Variants in NIBAN1 observed in about 807,000 individuals in gnomAD.
The protein encoded by NIBAN1 is niban apoptosis regulator 1.
A neutral mutation model predicts 75.1 loss-of-function variants in NIBAN1; 81 were observed. The ratio of observed to expected loss-of-function variants is 1.08; its 90% CI spans 0.90 to 1.30. The LOEUF is 1.30. NIBAN1 is among the 50% of genes most tolerant of loss of function. The pLI is 0.00. For synonymous variants in NIBAN1, 436 were observed against 424.8 expected (o/e 1.03, Z -0.32); for missense variants, 1,133 against 1,128.1 (o/e 1.00, Z -0.06).
intron 2 of NIBAN1, among the ~76,000 whole-genome samples, chr1:184,898,525 A>G (rs1340848438): frequency 6.6e-6 from 1 of 152,192 alleles, no homozygotes; most frequent in Admixed American, 6.5e-5. Context: ...CTGAGGCAGG[A>G]GAATCACTTG....
chr1:184,820,416 A>G (rs975928700), intron 8 of NIBAN1, among the ~76,000 whole-genome samples: 3 of 152,114 alleles, frequency 2.0e-5, no homozygotes, highest in Admixed American at 6.6e-5. Context: ...CCTTTATTCA[A>G]TGTTCCTTTA....
intron 6 of NIBAN1, among the ~76,000 whole-genome samples, chr1:184,827,631 A>AT (rs1654879220): frequency 7.3e-6 from 1 of 136,346 alleles, no homozygotes; most frequent in Non-Finnish European, 1.5e-5. Flanking sequence ...GGACTTGGAG[A>AT]TTTAAAAATT....
chr1:184,884,876 G>A (rs1241751060), intron 4 of NIBAN1, 76 bp from the exon 5 acceptor site: 1 of 1,527,066 alleles, frequency 6.5e-7, no homozygotes, highest in Non-Finnish European at 8.9e-7. Context: ...CAGGTCGTGA[G>A]GGTGACTATC....
At chr1:184,812,749 A>C (rs1265205223) in intron 9 of NIBAN1, among the ~76,000 whole-genome samples, 1 of 152,200 alleles carries the variant, frequency 6.6e-6, no homozygotes, top group African/African-American at 2.4e-5. Flanking sequence ...AGGGCAGTAG[A>C]GATTGCTCCA....
chr1:184,876,847 C>G (rs1372629340), intron 5 of NIBAN1, among the ~76,000 whole-genome samples: 2 of 152,132 alleles, frequency 1.3e-5, no homozygotes, highest in African/African-American at 4.8e-5. Context: ...TTTACACAAA[C>G]TATTTCAGAT....
intron 1 of NIBAN1, among the ~76,000 whole-genome samples, chr1:184,941,925 G>A: frequency 6.6e-6 from 1 of 152,078 alleles, no homozygotes; most frequent in East Asian, 1.9e-4. Context: ...GACCATATTT[G>A]CCCTAATTTG....
chr1:184,927,260 G>T (rs1657706404), intron 1 of NIBAN1, among the ~76,000 whole-genome samples: 1 of 152,142 alleles, frequency 6.6e-6, no homozygotes, highest in African/African-American at 2.4e-5. Context: ...GGTATTTATT[G>T]TCATGTTCTC....
chr1:184,962,914 C>A (rs540408618), intron 1 of NIBAN1, among the ~76,000 whole-genome samples: 95 of 152,010 alleles, frequency 6.2e-4, no homozygotes, highest in African/African-American at 2.2e-3. Flanking sequence ...TACTAGGTAA[C>A]CAAATGATAG....
intron 2 of NIBAN1, among the ~76,000 whole-genome samples, chr1:184,896,344 C>T (rs1656801205): frequency 6.6e-6 from 1 of 152,074 alleles, no homozygotes; most frequent in Non-Finnish European, 1.5e-5. Flanking sequence ...TTGTTGTCCA[C>T]TTGTATGTCT....
intron 9 of NIBAN1, among the ~76,000 whole-genome samples, chr1:184,812,266 A>C (rs1157319659): frequency 6.6e-6 from 1 of 152,218 alleles, no homozygotes; most frequent in African/African-American, 2.4e-5. Flanking sequence ...ATCTGAGGGC[A>C]AATTTAAGCT....
intron 13 of NIBAN1, among the ~76,000 whole-genome samples, chr1:184,797,300 C>G (rs945434702): frequency 2.0e-5 from 3 of 152,076 alleles, no homozygotes; most frequent in African/African-American, 7.2e-5. Context: ...CCACCATGCC[C>G]AGCTAATTTT....
At chr1:184,907,007 A>G (rs1657123467) in intron 1 of NIBAN1, among the ~76,000 whole-genome samples, 1 of 152,230 alleles carries the variant, frequency 6.6e-6, no homozygotes, top group African/African-American at 2.4e-5. Context: ...CAACTATGAT[A>G]CATTCTATAA....
intron 1 of NIBAN1, among the ~76,000 whole-genome samples, chr1:184,909,256 A>G (rs1373699940): frequency 6.6e-6 from 1 of 152,156 alleles, no homozygotes; most frequent in Non-Finnish European, 1.5e-5. Flanking sequence ...CTTCCAACAC[A>G]TCAGGTTCTA....
intron 5 of NIBAN1, among the ~76,000 whole-genome samples, chr1:184,878,152 C>T (rs758838868): frequency 6.6e-6 from 1 of 152,156 alleles, no homozygotes; most frequent in Non-Finnish European, 1.5e-5. Context: ...CTGCTTTAGA[C>T]AACAGTGAAC....
At chr1:184,825,451 C>A (rs1390243039) in intron 6 of NIBAN1, among the ~76,000 whole-genome samples, 1 of 151,014 alleles carries the variant, frequency 6.6e-6, no homozygotes, top group Non-Finnish European at 1.5e-5. Context: ...AAGGCAATAA[C>A]CAATATTTTG....
chr1:184,840,289 T>C (rs1018980973), intron 5 of NIBAN1, among the ~76,000 whole-genome samples: 3 of 152,196 alleles, frequency 2.0e-5, no homozygotes, highest in Non-Finnish European at 4.4e-5. Flanking sequence ...TTATAAACTA[T>C]AATACCAAAA....
At chr1:184,820,477 CA>C (rs895714704) in intron 8 of NIBAN1, among the ~76,000 whole-genome samples, 38 of 152,344 alleles carry the variant, frequency 2.5e-4, no homozygotes, top group African/African-American at 8.9e-4. Flanking sequence ...CTCCTCTCTT[CA>C]AGGCCCAGTT....
chr1:184,796,180 A>G (rs1001399277), intron 13 of NIBAN1, 83 bp from the exon 14 acceptor site: 19 of 1,414,890 alleles, frequency 1.3e-5, no homozygotes, highest in Non-Finnish European at 1.7e-5. Flanking sequence ...TGGCTATCCA[A>G]ATTTCTCCAT....
chr1:184,922,222 A>T (rs1657572927), intron 1 of NIBAN1, among the ~76,000 whole-genome samples: 4 of 152,198 alleles, frequency 2.6e-5, no homozygotes, highest in Non-Finnish European at 5.9e-5. Flanking sequence ...CATCACATCA[A>T]GCATTTATCC....
Sources: allele counts gnomAD v4.1 joint callset (sites outside exome capture counted in the v4.1 genomes callset), GRCh38; gene constraint gnomAD v4.1.1; transcripts MANE v1.5; gene names NCBI Gene and HGNC (gene_info 2026-07-23, HGNC 2026-07-21).